Variants in DENND4C observed in about 807,000 individuals in gnomAD.
DENND4C encodes DENN domain-containing protein 4C.
DENND4C carries 108 observed loss-of-function variants against 203.0 expected under a neutral mutation model. That is an observed-to-expected ratio of 0.53 (90% CI 0.46 to 0.62). The LOEUF is 0.62. Among genes scored for constraint, DENND4C ranks in the 20% least tolerant of loss-of-function variants. The pLI is 0.00. For missense variants in DENND4C, 2,481 were observed against 2,301.2 expected (o/e 1.08, Z -1.60); for synonymous variants, 871 against 792.4 (o/e 1.10, Z -1.67).
intron 1 of DENND4C, among the ~76,000 whole-genome samples, chr9:19,251,726 C>G (rs1471881683): frequency 6.6e-6 from 1 of 152,208 alleles, no homozygotes; most frequent in Non-Finnish European, 1.5e-5. Flanking sequence ...CCACAAATCT[C>G]TAGGACAGGA....
intron 1 of DENND4C, among the ~76,000 whole-genome samples, chr9:19,256,678 AT>A (rs1564091819): frequency 6.6e-6 from 1 of 151,806 alleles, no homozygotes; most frequent in Non-Finnish European, 1.5e-5. Flanking sequence ...TTTTTATGTT[AT>A]TTTTTATTTT....
chr9:19,352,369 C>A (rs1020267532), intron 25 of DENND4C, 121 bp from the exon 26 acceptor site: 6 of 1,106,818 alleles, frequency 5.4e-6, no homozygotes, highest in Admixed American at 2.9e-5. Flanking sequence ...AATAAAAGAA[C>A]TGTTATTAAT....
intron 5 of DENND4C, among the ~76,000 whole-genome samples, 168 bp downstream of exon 5, chr9:19,291,044 G>A (rs538202933): frequency 2.6e-5 from 4 of 152,246 alleles, no homozygotes; most frequent in African/African-American, 9.6e-5. Context: ...ATTGCTATCA[G>A]GATATTGATA....
At chr9:19,356,357 A>C (rs1825395973) in intron 26 of DENND4C, among the ~76,000 whole-genome samples, 1 of 152,166 alleles carries the variant, frequency 6.6e-6, no homozygotes, top group African/African-American at 2.4e-5. Context: ...TTTGAAGAAT[A>C]AATGCATGTA....
intron 2 of DENND4C, chr9:19,276,694 A>G (rs541991625): frequency 1.7e-5 from 6 of 350,342 alleles, no homozygotes; most frequent in African/African-American, 1.3e-4. Context: ...TTGTTAGATC[A>G]TTTGCTTTCA....
intron 7 of DENND4C, among the ~76,000 whole-genome samples, chr9:19,298,931 T>G (rs1257066336): frequency 6.6e-6 from 1 of 152,148 alleles, no homozygotes; most frequent in Non-Finnish European, 1.5e-5. Flanking sequence ...AATTTGAAGC[T>G]TTTCAGAAGC....
At chr9:19,235,852 C>T (rs1412811079) in intron 1 of DENND4C, among the ~76,000 whole-genome samples, 7 of 152,010 alleles carry the variant, frequency 4.6e-5, no homozygotes, top group Non-Finnish European at 1.5e-5. Flanking sequence ...CCCGCCTTGG[C>T]CTTCCAAAGT....
intron 1 of DENND4C, among the ~76,000 whole-genome samples, chr9:19,242,515 G>A (rs1453917495): frequency 6.6e-6 from 1 of 152,170 alleles, no homozygotes; most frequent in Non-Finnish European, 1.5e-5. Context: ...CCTTCCAAAA[G>A]GGCTGTTTTA....
rs1251665074 is a variant in DENND4C at position 19,373,381 on chromosome 9, A to ATGCTAAAGT, written c.*1209_*1217dup. ...TGGAATTCATTGGAATGTGCTTAAAATGCTAAAGTGTATGTCATTGAACAT... is the reference window on the plus strand; with the variant it reads ...TGGAATTCATTGGAATGTGCTTAAAATGCTAAAGTTGCTAAAGTGTATGTCATTGAACAT... On this transcript the variant is annotated 3_prime_UTR_variant, in exon 33 of 33. Coordinates refer to ENST00000434457, the MANE Select transcript of DENND4C (RefSeq NM_001330640.2). 2 of 152,670 alleles carry ATGCTAAAGT rather than the reference A, an allele frequency of 1.3e-5. No individual in the cohort carries two copies. The highest frequency in any genetic ancestry group is 4.8e-5 in the African/African-American group (2 of 41,466). The allele number at this position is 152,670 out of a possible 1,614,324, so 9.5% of individuals were successfully genotyped here.
rs975704287 is a variant in DENND4C at position 19,346,866 on chromosome 9, G to A, written c.4097G>A (p.Arg1366Gln). ...TGRFKQQTPS[R>Q]THKERSTSLS... ...CGTTTCAAGCAGCAAACCCCCTCTC[G>A]AACTCATAAAGAACGTTCAACTTCT... Residue 1366 changes from arginine (R) to glutamine (Q), a missense_variant, in exon 23 of 33, where the codon CGA becomes CAA. Physicochemically the swap from Arg to Gln is conservative, Grantham distance 43. Coordinates refer to ENST00000434457, the MANE Select transcript of DENND4C (RefSeq NM_001330640.2). 12 of 1,614,020 alleles carry A rather than the reference G, an allele frequency of 7.4e-6. No homozygotes were observed. Among genetic ancestry groups the A allele is most frequent in the Admixed American group, 3.3e-5 (2 of 59,996 alleles).
In DENND4C at chr9:19,368,681, A is replaced by G. The variant is rs148203376; in HGVS notation, c.5525-1156A>G. Among the ~76,000 whole-genome samples the G allele has an allele frequency of 4.6e-5, 7 of 152,272 alleles. No individual in the cohort carries two copies. In the East Asian group the frequency reaches 1.4e-3, roughly 29 times the overall value. Reference sequence around the variant, plus strand: ...GCTAGATGTGGTGGCATGCCCCTGTAGCCTCAGCTACTCGAGGCTGAAGCA... The same window carrying G: ...GCTAGATGTGGTGGCATGCCCCTGTGGCCTCAGCTACTCGAGGCTGAAGCA... On this transcript the variant is annotated intron_variant, in intron 30 of 32. Transcript: ENST00000434457.
At chr9:19,337,832 C>T (rs1820818817) in intron 20 of DENND4C, among the ~76,000 whole-genome samples, 1 of 152,064 alleles carries the variant, frequency 6.6e-6, no homozygotes, top group Non-Finnish European at 1.5e-5. Context: ...TGAAAATATC[C>T]AGCTAACTTT....
At chr9:19,259,762 C>G (rs1828907738) in intron 1 of DENND4C, among the ~76,000 whole-genome samples, 1 of 152,188 alleles carries the variant, frequency 6.6e-6, no homozygotes. Context: ...GCCTCGGCCT[C>G]CCACAATGCT....
chr9:19,261,306 T>C (rs1019587340), intron 1 of DENND4C, among the ~76,000 whole-genome samples: 1 of 136,440 alleles, frequency 7.3e-6, no homozygotes, highest in Non-Finnish European at 1.5e-5. Flanking sequence ...TCTTCCAGTT[T>C]TGTTTTTGCT....
At chr9:19,238,902 C>T (rs142154217) in intron 1 of DENND4C, among the ~76,000 whole-genome samples, 2,168 of 151,118 alleles carry the variant, frequency 0.014, 49 homozygotes, top group African/African-American at 0.05. Flanking sequence ...ATCCACCCAC[C>T]TCGGCCTCCC....
In DENND4C at chr9:19,230,771, G is replaced by C. The variant is rs1197562668; in HGVS notation, c.-80G>C. The stretch of plus-strand genomic sequence containing the variant: ...CCGAGCGCGCCCAGTCCGCGAATCC[G>C]GTGCTTTCTTGCCCCAGGAAGAAGC... On this transcript the variant is annotated 5_prime_UTR_variant, in exon 1 of 33. Transcript: ENST00000434457. 2.6e-5 allele frequency: 4 copies of C among 152,354 alleles called. No homozygotes were observed. Among genetic ancestry groups the C allele is most frequent in the Non-Finnish European group, 5.9e-5 (4 of 68,148 alleles). The allele number at this position is 152,354 out of a possible 1,614,324, so 9.4% of individuals were successfully genotyped here. A position where few individuals can be genotyped will look rare whatever the true frequency, so the allele number is the denominator to read the frequency against.
Position 19,296,056 on chromosome 9 carries a change from C to G in DENND4C, c.850C>G (p.Leu284Val), listed in dbSNP as rs761343123. The G allele has an allele frequency of 6.2e-7, 1 of 1,614,086 alleles. No homozygotes were observed. Among genetic ancestry groups the G allele is most frequent in the East Asian group, 2.2e-5 (1 of 44,870 alleles). Reference sequence around the variant, plus strand: ...TTATGAACCTTACTCTCGGGAACTTCTATCAGAGAAACAGCTTATGCACCT... The same window carrying G: ...TTATGAACCTTACTCTCGGGAACTTGTATCAGAGAAACAGCTTATGCACCT... Reference protein sequence around the residue: ...QFYEPYSRELLSEKQLMHLGL... With the variant: ...QFYEPYSRELVSEKQLMHLGL... Residue 284 changes from leucine (L) to valine (V), a missense_variant, in exon 6 of 33, where the codon CTA becomes GTA. Leu to Val is a conservative substitution (Grantham distance 32, BLOSUM62 1). Around this residue, in one of 3 missense-constraint regions of DENND4C, gnomAD observed 2,289 missense variants for 2,113.3 expected, o/e 1.08. Coordinates refer to ENST00000434457, the MANE Select transcript of DENND4C (RefSeq NM_001330640.2).
chr9:19,328,092 G>T lies in DENND4C; in HGVS notation c.2183G>T (p.Cys728Phe), dbSNP rs1301746395. The T allele has an allele frequency of 6.2e-7, 1 of 1,613,438 alleles. No homozygotes were observed. The highest frequency in any genetic ancestry group is 8.5e-7 in the Non-Finnish European group (1 of 1,179,830). ...LFDRPQELKL[C>F]FSRHPTGNSI... ...GACAGACCGCAGGAGTTGAAACTTT[G>T]TTTTAGTAGACACCCTACTGGGAAT... Residue 728 changes from cysteine to phenylalanine, a missense_variant, in exon 16 of 33, where the codon TGT (cysteine) becomes TTT (phenylalanine). This residue lies in a region of DENND4C where 2,289 missense variants were observed against 2,113.3 expected (regional missense o/e 1.08). Transcript: ENST00000434457.
At chr9:19,290,977 G>C (rs971393705) in intron 5 of DENND4C, 101 bp downstream of exon 5, 57 of 1,229,334 alleles carry the variant, frequency 4.6e-5, no homozygotes, top group Admixed American at 3.5e-4. Context: ...ATTTGGACAT[G>C]ATACATTTTG....
Sources: gnomAD v4.1 joint callset for allele counts (sites outside exome capture counted in the v4.1 genomes callset) on GRCh38, gnomAD v4.1.1 for gene constraint, gnomAD v4.1.1 regional missense constraint, MANE v1.5 for transcripts, NCBI Gene and HGNC (gene_info 2026-07-23, HGNC 2026-07-21) for gene names.